Variants in CDK10 observed in about 807,000 individuals in gnomAD.
The protein encoded by CDK10 is cyclin dependent kinase 10.
Under a neutral mutation model 51.0 loss-of-function variants are expected in CDK10, and 55 were observed. That is an observed-to-expected ratio of 1.08 (90% CI 0.87 to 1.35). The LOEUF (loss-of-function observed/expected upper bound fraction) is 1.35. Among genes scored for constraint, CDK10 ranks in the 40% most tolerant of loss-of-function variants. CDK10 has a pLI of 0.00. For synonymous variants in CDK10, 255 were observed against 199.1 expected (o/e 1.28, Z -2.36); for missense variants, 589 against 485.1 (o/e 1.21, Z -2.01).
chr16:89,692,163 G>A (rs559786162), intron 5 of CDK10: 40 of 568,564 alleles, frequency 7.0e-5, no homozygotes, highest in African/African-American at 6.9e-4. Flanking sequence ...TGAGGGCACT[G>A]GTTTCCTGGG....
At chr16:89,694,491 G>C (rs1270774145) in intron 9 of CDK10, 174 bp from the exon 10 acceptor site, 2 of 1,221,620 alleles carry the variant, frequency 1.6e-6, no homozygotes, top group Admixed American at 2.0e-5. Flanking sequence ...CGGGAGGCCT[G>C]CGGGGCCCAG....
chr16:89,692,197 G>A, intron 5 of CDK10: 1 of 559,948 alleles, frequency 1.8e-6, no homozygotes, highest in Non-Finnish European at 3.1e-6. Flanking sequence ...GGAGCCCTGG[G>A]CGGAGAGCCT....
At chr16:89,692,357 T>A in intron 5 of CDK10, 92 bp from the exon 6 acceptor site, 1 of 944,828 alleles carries the variant, frequency 1.1e-6, no homozygotes, top group Non-Finnish European at 1.6e-6. Context: ...CTATTGGGAC[T>A]GCTAGTCCTG....
At chr16:89,693,515 G>A (rs769517824) in intron 8 of CDK10, 48 bp downstream of exon 8, 1 of 1,584,392 alleles carries the variant, frequency 6.3e-7, no homozygotes, top group Admixed American at 1.7e-5. Flanking sequence ...GGCCTGTCTG[G>A]TGGAGGTCTC....
intron 8 of CDK10, 70 bp downstream of exon 8, chr16:89,693,537 C>G: frequency 1.4e-6 from 2 of 1,479,624 alleles, no homozygotes; most frequent in Non-Finnish European, 1.9e-6. Context: ...TTGGGGATGT[C>G]AGGCCGAAGC....
In CDK10 at chr16:89,695,770, G is replaced by C. The variant is rs1408498974; in HGVS notation, c.*78G>C. 2 of 1,583,814 alleles carry C rather than the reference G, an allele frequency of 1.3e-6. No homozygotes were observed. The highest frequency in any genetic ancestry group is 1.7e-6 in the Non-Finnish European group (2 of 1,168,114). On this transcript the variant is annotated 3_prime_UTR_variant, in exon 13 of 13. Coordinates refer to ENST00000353379, the MANE Select transcript of CDK10 (RefSeq NM_052988.5). ...TGTCTGTGAAGGGTGCCGCGAGCCA[G>C]GCTGACCAGGCGCCCGGGATCCAGC...
chr16:89,691,852 C>T lies in CDK10; in HGVS notation c.382C>T (p.Leu128=). 1 of 1,614,004 alleles carries T rather than the reference C, an allele frequency of 6.2e-7. No individual in the cohort carries two copies. Among genetic ancestry groups the T allele is most frequent in the South Asian group, 1.1e-5 (1 of 91,056 alleles). Residue 128 remains leucine (L), a synonymous_variant, in exon 5 of 13, where the codon CTG becomes TTG. Transcript: ENST00000353379. ...GYCEQDLASL[L]ENMPTPFSEA... is the part of the protein sequence containing the mutation. ...CTGTGAGCAGGACCTGGCCAGCCTCCTGGAGAATATGCCAACACCCTTCTC... is the reference window on the plus strand; with the variant it reads ...CTGTGAGCAGGACCTGGCCAGCCTCTTGGAGAATATGCCAACACCCTTCTC...
In CDK10 at chr16:89,686,740, G is replaced by T. The variant is rs1567506619; in HGVS notation, c.30G>T (p.Gln10His). 6.2e-7 allele frequency: 1 copy of T among 1,611,792 alleles called. No homozygotes were observed. Among genetic ancestry groups the T allele is most frequent in the East Asian group, 2.2e-5 (1 of 44,752 alleles). MAEPDLECEQIRLKCIRKEG... is the reference protein window; with the variant it reads MAEPDLECEHIRLKCIRKEG... Reference sequence around the variant, plus strand: ...CGGAGCCAGATCTGGAGTGCGAGCAGATCCGTCTGAAGTGTATTCGTAAGG... The same window carrying T: ...CGGAGCCAGATCTGGAGTGCGAGCATATCCGTCTGAAGTGTATTCGTAAGG... The change falls in exon 1 of 13, where the codon CAG (glutamine) becomes CAT (histidine). Residue 10 changes from glutamine to histidine, a missense_variant. By Grantham distance (24) the Gln-to-His change is conservative (BLOSUM62 0). Transcript: ENST00000353379.
At chr16:89,687,322 C>G in intron 1 of CDK10, 1 of 381,052 alleles carries the variant, frequency 2.6e-6, no homozygotes, top group Non-Finnish European at 5.4e-6. Context: ...GGGCGTTGGG[C>G]GGTGTTGCCC....
Position 89,692,414 on chromosome 16 carries a change from C to T in CDK10, c.418-35C>T, listed in dbSNP as rs550627050. On this transcript the variant is annotated intron_variant, in intron 5 of 12. Transcript: ENST00000353379. ...GGGCCCAGCTGGGCTTCCCTGCAGG[C>T]TCACCCTGACTGGTACCTCTGACCC... 6.0e-6 allele frequency: 9 copies of T among 1,492,282 alleles called. No individual in the cohort carries two copies. In the African/African-American group the frequency reaches 1.0e-4, roughly 17 times the overall value. The allele number at this position is 1,492,282 out of a possible 1,614,324, so 92.4% of individuals were successfully genotyped here.
At chr16:89,695,452 C>T in intron 12 of CDK10, 107 bp downstream of exon 12, 3 of 1,476,806 alleles carry the variant, frequency 2.0e-6, no homozygotes, top group Non-Finnish European at 2.8e-6. Flanking sequence ...GACGGCACAC[C>T]CTTTCTGGGG....
rs768569643 is a variant in CDK10, at chr16:89,693,432, A to G, written c.573A>G (p.Pro191=). ...GCCTGGCCCGGGCCTATGGTGTCCC[A>G]GTAAAGCCAATGACCCCCAAGGTGG... ...DFGLARAYGV[P]VKPMTPKVVT... Residue 191 remains proline (P), a synonymous_variant, in exon 8 of 13, where the codon CCA becomes CCG. Transcript: ENST00000353379. 48 of 1,614,070 alleles carry G rather than the reference A, an allele frequency of 3.0e-5. No individual in the cohort carries two copies. Among genetic ancestry groups the G allele is most frequent in the Non-Finnish European group, 3.9e-5 (46 of 1,180,044 alleles).
At position 89,691,920 on chromosome 16, in the gene CDK10, G is replaced by A. The variant is rs758235948; in HGVS notation, c.417+33G>A. On this transcript the variant is annotated intron_variant, in intron 5 of 12. Transcript: ENST00000353379. ...GCAGAGGGGCCTGGGGTGGGGGAAT[G>A]GGCTTCATGGGCCCTTGTGGTGCAC... The A allele has an allele frequency of 1.9e-6, 3 of 1,558,096 alleles. No individual in the cohort carries two copies. In the Admixed American group the frequency reaches 5.1e-5, roughly 26 times the overall value.
chr16:89,691,708 G>A, intron 4 of CDK10, 98 bp from the exon 5 acceptor site: 1 of 1,334,900 alleles, frequency 7.5e-7, no homozygotes, highest in South Asian at 1.2e-5. Context: ...GGGGGACACA[G>A]GTTGTCCTGC....
intron 6 of CDK10, 165 bp downstream of exon 6, chr16:89,692,681 G>A: frequency 2.0e-6 from 1 of 495,774 alleles, no homozygotes; most frequent in Non-Finnish European, 3.6e-6. Flanking sequence ...GTCTCTCTGT[G>A]TTGCCCAGGC....
At chr16:89,687,385 G>T (rs2060240312) in intron 1 of CDK10, 9 of 437,682 alleles carry the variant, frequency 2.1e-5, no homozygotes, top group South Asian at 1.4e-4. Flanking sequence ...GCTGGTTTGT[G>T]TTTTTAACTG....
Position 89,689,263 on chromosome 16 carries a change from C to G in CDK10, c.99C>G (p.Cys33Trp). 6.2e-7 allele frequency: 1 copy of G among 1,614,038 alleles called. No homozygotes were observed. The highest frequency in any genetic ancestry group is 2.2e-5 in the East Asian group (1 of 44,874). ...CCCTTCTGTTTCAGCTGGGACGATG[C>G]CGGAGTGTGAAGGAGTTTGAGAAGC... ...TVPPEHRLGRCRSVKEFEKLN... is the reference protein window; with the variant it reads ...TVPPEHRLGRWRSVKEFEKLN... Residue 33 changes from cysteine to tryptophan, a missense_variant, in exon 2 of 13, where the codon TGC becomes TGG. By Grantham distance (215) the Cys-to-Trp change is radical. Transcript: ENST00000353379.
chr16:89,693,292 C>T lies in CDK10; in HGVS notation c.504C>T (p.Asn168=), dbSNP rs1310023503. 6.2e-7 allele frequency: 1 copy of T among 1,614,080 alleles called. No homozygotes were observed. Among genetic ancestry groups the T allele is most frequent in the African/African-American group, 1.3e-5 (1 of 74,938 alleles). The change falls in exon 7 of 13, where the codon AAC becomes AAT. Residue 168 remains asparagine (N), a synonymous_variant. Coordinates refer to ENST00000353379, the MANE Select transcript of CDK10 (RefSeq NM_052988.5). ...ATCACAGGGACCTGAAGGTTTCCAACTTGCTCATGACCGACAAGGGTTGTG... is the reference window on the plus strand; with the variant it reads ...ATCACAGGGACCTGAAGGTTTCCAATTTGCTCATGACCGACAAGGGTTGTG... ...FIIHRDLKVS[N]LLMTDKGCVK... is the part of the protein sequence containing the mutation.
At chr16:89,694,319 G>A (rs1249226767) in intron 9 of CDK10, 87 bp downstream of exon 9, 2 of 1,350,912 alleles carry the variant, frequency 1.5e-6, no homozygotes, top group East Asian at 2.4e-5. Context: ...CAGCCTCAGG[G>A]GAGGGGCAGG....
Sources: gnomAD v4.1 joint callset for allele counts on GRCh38, gnomAD v4.1.1 for gene constraint, MANE v1.5 for transcripts, NCBI Gene and HGNC (gene_info 2026-07-23, HGNC 2026-07-21) for gene names.